The following EHMT1 variants were observed in gnomAD, a reference collection of about 807,000 sequenced individuals.
EHMT1 encodes euchromatic histone lysine methyltransferase 1.
A neutral mutation model predicts 147.2 loss-of-function variants in EHMT1; 15 were observed. The ratio of observed to expected loss-of-function variants is 0.10; its 90% CI spans 0.07 to 0.16. The LOEUF (loss-of-function observed/expected upper bound fraction) is 0.16. Among genes scored for constraint, EHMT1 ranks in the 10% least tolerant of loss-of-function variants. The pLI, the probability that EHMT1 is intolerant of heterozygous loss-of-function variation, is 1.00. For synonymous variants in EHMT1, 795 were observed against 709.6 expected (o/e 1.12, Z -1.91); for missense variants, 1,587 against 1,772.4 (o/e 0.90, Z 1.88).
intron 4 of EHMT1, among the ~76,000 whole-genome samples, chr9:137,733,764 T>TATCTCCCCAATAA (rs1947311032): frequency 2.0e-5 from 3 of 152,218 alleles, no homozygotes; most frequent in Non-Finnish European, 2.9e-5. Context: ...ACTTCATTTT[T>TATCTCCCCAATAA]ATTGTTTTCT....
intron 2 of EHMT1, among the ~76,000 whole-genome samples, chr9:137,713,355 C>T (rs140115977): frequency 0.024 from 3,585 of 150,934 alleles, 51 homozygotes; most frequent in Middle Eastern, 0.054. Flanking sequence ...CTGCAAGCTC[C>T]GCTTCCCGGG....
intron 18 of EHMT1, among the ~76,000 whole-genome samples, chr9:137,804,026 A>G (rs1159613338): frequency 6.6e-6 from 1 of 152,194 alleles, no homozygotes; most frequent in Non-Finnish European, 1.5e-5. Context: ...CTTAACAATC[A>G]TGGCAGAAGG....
At chr9:137,757,748 C>T in intron 8 of EHMT1, 132 bp from the exon 9 acceptor site, 1 of 1,364,826 alleles carries the variant, frequency 7.3e-7, no homozygotes, top group Non-Finnish European at 1.0e-6. Context: ...TAGTGGGTTT[C>T]AACTTGTGGT....
intron 4 of EHMT1, among the ~76,000 whole-genome samples, chr9:137,737,441 A>G (rs987621137): frequency 6.6e-6 from 1 of 152,198 alleles, no homozygotes; most frequent in Non-Finnish European, 1.5e-5. Context: ...GGTGCGGGGA[A>G]GACTGGATAT....
chr9:137,828,860 C>T lies in EHMT1; in HGVS notation c.3541-5489C>T, dbSNP rs1956003193. Among the ~76,000 whole-genome samples the T allele has an allele frequency of 6.6e-6, 1 of 152,156 alleles. No homozygotes were observed. The highest frequency in any genetic ancestry group is 2.1e-4 in the South Asian group (1 of 4,828). On this transcript the variant is annotated intron_variant, in intron 25 of 26. Coordinates refer to ENST00000460843, the MANE Select transcript of EHMT1 (RefSeq NM_024757.5). The surrounding 1 kb of genome is among the most constrained non-coding windows in gnomAD (Gnocchi z 5.3). ...GTTCAGCACCTTGGAGAGCTGCCGC[C>T]TCTGTGCCTCCCCTCCTGCTTGCTG...
intron 4 of EHMT1, among the ~76,000 whole-genome samples, chr9:137,741,746 A>G (rs924840847): frequency 1.3e-5 from 2 of 152,140 alleles, no homozygotes; most frequent in African/African-American, 4.8e-5. Flanking sequence ...CTCTGTGTTC[A>G]GGGGTTTTGC....
At chr9:137,810,357 G>C (rs1031084087) in intron 18 of EHMT1, among the ~76,000 whole-genome samples, 1 of 152,230 alleles carries the variant, frequency 6.6e-6, no homozygotes, top group African/African-American at 2.4e-5. Flanking sequence ...TGGTGATGAC[G>C]AAGGGTCAGG....
chr9:137,678,595 G>A (rs146980173), intron 1 of EHMT1, among the ~76,000 whole-genome samples: 1 of 152,082 alleles, frequency 6.6e-6, no homozygotes, highest in Non-Finnish European at 1.5e-5. Flanking sequence ...CCTAGCTGAT[G>A]CCTGAAATCA....
At chr9:137,794,029 A>G (rs571826065) in intron 16 of EHMT1, among the ~76,000 whole-genome samples, 7 of 152,364 alleles carry the variant, frequency 4.6e-5, no homozygotes, top group South Asian at 4.1e-4. Flanking sequence ...TACCATAACA[A>G]CATTTAAATT....
chr9:137,802,586 A>T (rs971017505), intron 18 of EHMT1: 9 of 398,800 alleles, frequency 2.3e-5, no homozygotes, highest in Non-Finnish European at 1.8e-5. Flanking sequence ...AGAGCTTGAG[A>T]ACGGCGTGGG....
intron 1 of EHMT1, among the ~76,000 whole-genome samples, chr9:137,627,770 G>A (rs1373814237): frequency 6.7e-6 from 1 of 149,910 alleles, no homozygotes; most frequent in Non-Finnish European, 1.5e-5. Flanking sequence ...GTGTGATCTC[G>A]GCTCACTGCA....
At chr9:137,730,075 T>G (rs1211841676) in intron 4 of EHMT1, among the ~76,000 whole-genome samples, 2 of 152,262 alleles carry the variant, frequency 1.3e-5, no homozygotes, top group Non-Finnish European at 2.9e-5. Context: ...AGGTCTTTCA[T>G]AGAATGTGTC....
chr9:137,798,978 G>A (rs1329730069), intron 17 of EHMT1, 64 bp downstream of exon 17: 3 of 1,342,918 alleles, frequency 2.2e-6, no homozygotes, highest in African/African-American at 1.4e-5. Context: ...TCACTGTTCT[G>A]CAGCTCCTGG....
Position 137,813,082 on chromosome 9 carries a change from A to G in EHMT1, c.2944A>G (p.Asn982Asp), listed in dbSNP as rs1340847584. Residue 982 changes from asparagine to aspartate, a missense_variant, in exon 20 of 27, where the codon AAC becomes GAC. This residue lies in a region of EHMT1 where 78 missense variants were observed against 68.9 expected (regional missense o/e 1.13). Coordinates refer to ENST00000460843, the MANE Select transcript of EHMT1 (RefSeq NM_024757.5). The surrounding 1 kb of genome is among the most constrained non-coding windows in gnomAD (Gnocchi z 4.9). ...GACGCCCCTGCAGTGTGCGAGCCTCAACTCTCAGGTGTGGAGCGCTCTGCA... is the reference window on the plus strand; with the variant it reads ...GACGCCCCTGCAGTGTGCGAGCCTCGACTCTCAGGTGTGGAGCGCTCTGCA... ...GETPLQCASL[N>D]SQVWSALQMS... 1 of 1,613,706 alleles carries G rather than the reference A, an allele frequency of 6.2e-7. No individual in the cohort carries two copies. Among genetic ancestry groups the G allele is most frequent in the African/African-American group, 1.3e-5 (1 of 74,920 alleles).
At chr9:137,834,253 T>G (rs1213394164) in intron 25 of EHMT1, 96 bp from the exon 26 acceptor site, 1 of 1,518,332 alleles carries the variant, frequency 6.6e-7, no homozygotes, top group Non-Finnish European at 8.9e-7. Flanking sequence ...TGCGCCCAAC[T>G]GCAGGCTCCG....
intron 1 of EHMT1, among the ~76,000 whole-genome samples, chr9:137,668,622 C>T (rs141030233): frequency 6.6e-6 from 1 of 152,198 alleles, no homozygotes; most frequent in African/African-American, 2.4e-5. Context: ...CCGTGTCCCC[C>T]ACTCCCCCAA....
intron 23 of EHMT1, 57 bp downstream of exon 23, chr9:137,816,119 C>T: frequency 6.8e-7 from 1 of 1,465,372 alleles, no homozygotes; most frequent in Admixed American, 1.9e-5. Context: ...CACGTATTAG[C>T]ACGGAGGTCA....
chr9:137,748,402 C>G (rs1157233224), intron 6 of EHMT1, among the ~76,000 whole-genome samples: 1 of 152,178 alleles, frequency 6.6e-6, no homozygotes, highest in South Asian at 2.1e-4. Context: ...TGTCTGTGTC[C>G]GTCCCACTGT....
At chr9:137,769,474 T>C (rs1034985554) in intron 10 of EHMT1, among the ~76,000 whole-genome samples, 4 of 152,246 alleles carry the variant, frequency 2.6e-5, no homozygotes, top group African/African-American at 9.6e-5. Context: ...TGTTTTGTCT[T>C]AATTTTTCAA....
Sources: allele counts gnomAD v4.1 joint callset (sites outside exome capture counted in the v4.1 genomes callset), GRCh38; gene constraint gnomAD v4.1.1; regional missense constraint gnomAD v4.1.1; non-coding constraint Gnocchi (gnomAD v3.1); transcripts MANE v1.5; gene names NCBI Gene and HGNC (gene_info 2026-07-23, HGNC 2026-07-21).